Variants in OR1J2 observed in about 807,000 individuals in gnomAD.
The protein encoded by OR1J2 is olfactory receptor 1J2.
For synonymous variants in OR1J2, 142 were observed against 99.7 expected (o/e 1.42, Z -2.52); for missense variants, 304 against 246.1 (o/e 1.24, Z -1.57).
chr9:122,577,035 A>G, the OR1J2 span: 5 of 152,220 alleles, frequency 3.3e-5, 1 homozygote, highest in Non-Finnish European at 5.9e-5. Context: ...TTAAATGACA[A>G]TAATTGATTC....
chr9:122,485,570 T>C, the OR1J2 span, among the ~76,000 whole-genome samples: 1 of 152,238 alleles, frequency 6.6e-6, no homozygotes, highest in African/African-American at 2.4e-5. Flanking sequence ...CTTGCTGATA[T>C]CTGAAATTCT....
chr9:122,562,627 CGT>C, the OR1J2 span, among the ~76,000 whole-genome samples: 1 of 152,166 alleles, frequency 6.6e-6, no homozygotes, highest in Non-Finnish European at 1.5e-5. Flanking sequence ...CCTTCCTCTC[CGT>C]GTGTCATACC....
the OR1J2 span, among the ~76,000 whole-genome samples, chr9:122,552,749 A>AGAGTGTGTGTGTGTGT: frequency 7.7e-6 from 1 of 129,662 alleles, no homozygotes; most frequent in African/African-American, 3.0e-5. Context: ...AGAGGGCTTG[A>AGAGTGTGTGTGTGTGT]GTGTGTGTGT....
the OR1J2 span, among the ~76,000 whole-genome samples, chr9:122,532,783 G>A: frequency 1.3e-5 from 2 of 152,156 alleles, no homozygotes; most frequent in Non-Finnish European, 2.9e-5. Flanking sequence ...GGACAGAAAG[G>A]CTACAGGGTG....
upstream of OR1J2, among the ~76,000 whole-genome samples, chr9:122,509,759 C>G (rs1828596869): frequency 6.6e-6 from 1 of 152,060 alleles, no homozygotes; most frequent in African/African-American, 2.4e-5. Flanking sequence ...TTGTTACACT[C>G]TAATCTTAAA....
the OR1J2 span, among the ~76,000 whole-genome samples, chr9:122,478,894 C>G: frequency 6.6e-6 from 1 of 151,836 alleles, no homozygotes; most frequent in Non-Finnish European, 1.5e-5. Flanking sequence ...ATTCTTCCAG[C>G]TAATTTTTTA....
At chr9:122,487,464 C>CACACAT in the OR1J2 span, among the ~76,000 whole-genome samples, 1 of 148,872 alleles carries the variant, frequency 6.7e-6, no homozygotes, top group Non-Finnish European at 1.5e-5. Flanking sequence ...GATTAACACA[C>CACACAT]ACACACACAC....
the OR1J2 span, among the ~76,000 whole-genome samples, chr9:122,545,935 T>C: frequency 2.7e-5 from 4 of 149,964 alleles, no homozygotes; most frequent in Middle Eastern, 3.2e-3. Flanking sequence ...AAAACATAGC[T>C]CTGTGCTTCC....
In OR1J2 at chr9:122,510,987, C is replaced by T; in HGVS notation, c.186C>T (p.Phe62=). 3 of 1,610,800 alleles carry T rather than the reference C, an allele frequency of 1.9e-6. No individual in the cohort carries two copies. In the South Asian group the frequency reaches 3.3e-5, roughly 18 times the overall value. Residue 62 remains phenylalanine, a synonymous_variant, in exon 1 of 1, where the codon TTC becomes TTT. Coordinates refer to ENST00000335302, the MANE Select transcript of OR1J2 (RefSeq NM_054107.1). ...DSHLHTPMYF[F]LSHLALTDIS... ...ACCTTCACACCCCCATGTACTTCTT[C>T]CTCAGCCACTTGGCTCTCACTGACA...
downstream of OR1J2, among the ~76,000 whole-genome samples, chr9:122,512,168 A>G (rs1392779675): frequency 6.6e-6 from 1 of 152,208 alleles, no homozygotes; most frequent in Non-Finnish European, 1.5e-5. Context: ...GTAGTGCTTC[A>G]TACCAGTCTC....
At chr9:122,476,851 A>G in the OR1J2 span, 2 of 605,542 alleles carry the variant, frequency 3.3e-6, no homozygotes, top group Non-Finnish European at 2.9e-6. Context: ...GACTATAGGC[A>G]TGCACCACCA....
the OR1J2 span, among the ~76,000 whole-genome samples, chr9:122,534,816 A>G: frequency 1.3e-5 from 2 of 152,256 alleles, no homozygotes; most frequent in South Asian, 2.1e-4. Flanking sequence ...ACTGATGTGT[A>G]AAAGAATGCC....
At chr9:122,553,657 G>C in the OR1J2 span, 1 of 1,614,090 alleles carries the variant, frequency 6.2e-7, no homozygotes, top group South Asian at 1.1e-5. Context: ...CTAATGCTGG[G>C]TGTGTGCTGG....
At chr9:122,523,269 G>A in the OR1J2 span, among the ~76,000 whole-genome samples, 1 of 152,148 alleles carries the variant, frequency 6.6e-6, no homozygotes, top group Non-Finnish European at 1.5e-5. Flanking sequence ...ATACATAGGT[G>A]TGTATGAGTC....
At chr9:122,492,693 T>C in the OR1J2 span, among the ~76,000 whole-genome samples, 1 of 152,048 alleles carries the variant, frequency 6.6e-6, no homozygotes, top group African/African-American at 2.4e-5. Flanking sequence ...TTTACTGATT[T>C]TACTATTTGT....
chr9:122,547,718 A>G, the OR1J2 span, among the ~76,000 whole-genome samples: 2 of 151,796 alleles, frequency 1.3e-5, no homozygotes, highest in East Asian at 1.9e-4. Flanking sequence ...GTTTGATTCC[A>G]TATCTTTGCT....
the OR1J2 span, among the ~76,000 whole-genome samples, chr9:122,459,011 C>T: frequency 6.6e-6 from 1 of 152,148 alleles, no homozygotes; most frequent in Non-Finnish European, 1.5e-5. Flanking sequence ...ACTCTACCTC[C>T]ATGAGGTCAA....
chr9:122,551,632 A>G, the OR1J2 span, among the ~76,000 whole-genome samples: 1 of 152,166 alleles, frequency 6.6e-6, no homozygotes, highest in African/African-American at 2.4e-5. Flanking sequence ...AAGAGGCTTC[A>G]GAATCACATT....
At chr9:122,530,695 C>G in the OR1J2 span, among the ~76,000 whole-genome samples, 2 of 152,020 alleles carry the variant, frequency 1.3e-5, no homozygotes, top group African/African-American at 4.8e-5. Context: ...CGGGCTGAGT[C>G]CGAAAAGAGA....
Sources: allele counts gnomAD v4.1 joint callset (sites outside exome capture counted in the v4.1 genomes callset), GRCh38; gene constraint gnomAD v4.1.1; transcripts MANE v1.5; gene names NCBI Gene and HGNC (gene_info 2026-07-23, HGNC 2026-07-21).